The following RBFOX1 variants were observed in gnomAD, a reference collection of about 807,000 sequenced individuals.
RBFOX1 encodes the protein RNA binding protein fox-1 homolog 1.
Under a neutral mutation model 57.7 loss-of-function variants are expected in RBFOX1, and 8 were observed. That is an observed-to-expected ratio of 0.14 (90% CI 0.08 to 0.25). The LOEUF (loss-of-function observed/expected upper bound fraction) is 0.25. Among genes scored for constraint, RBFOX1 ranks in the 10% least tolerant of loss-of-function variants. RBFOX1 has a pLI of 1.00. For missense variants in RBFOX1, 611 were observed against 548.5 expected (o/e 1.11, Z -1.14); for synonymous variants, 326 against 222.4 (o/e 1.47, Z -4.15).
chr16:5,949,331 C>G (rs1032017479), intron 4 of RBFOX1, among the ~76,000 whole-genome samples: 3 of 151,802 alleles, frequency 2.0e-5, no homozygotes, highest in Non-Finnish European at 4.4e-5. Context: ...TCGAGACCAT[C>G]CTGTCTAACA....
chr16:6,416,834 G>T (rs538013323), intron 2 of RBFOX1, among the ~76,000 whole-genome samples: 21 of 152,232 alleles, frequency 1.4e-4, no homozygotes, highest in African/African-American at 4.8e-4. Context: ...GAAACCAAAT[G>T]TGCTGTCCTG....
chr16:6,291,125 C>T (rs550171282), intron 1 of RBFOX1, among the ~76,000 whole-genome samples: 14 of 152,240 alleles, frequency 9.2e-5, no homozygotes, highest in Non-Finnish European at 1.8e-4. Context: ...CTCTGATTGC[C>T]ATCTTGGTTT....
At chr16:5,632,654 G>C (rs771112448) in intron 3 of RBFOX1, 2 of 152,198 alleles carry the variant, frequency 1.3e-5, no homozygotes, top group Non-Finnish European at 2.9e-5. Flanking sequence ...ATGTTTATTT[G>C]TCTTTTGTTT....
rs114329340 is a variant in RBFOX1, at chr16:7,690,869, C to T, written c.995+14031C>T. Reference sequence around the variant, plus strand: ...ATAACATGGTGAATATAGACAGCAACATGCAATCTCCCCTTAGAACTGTAC... The same window carrying T: ...ATAACATGGTGAATATAGACAGCAATATGCAATCTCCCCTTAGAACTGTAC... On this transcript the variant is annotated intron_variant, in intron 14 of 15. Transcript: ENST00000550418. 1.6e-3 allele frequency among the ~76,000 whole-genome samples: 244 copies of T among 152,184 alleles called. 1 individual carries two copies. The highest frequency in any genetic ancestry group is 5.4e-3 in the African/African-American group (223 of 41,524).
chr16:6,442,396 A>C (rs1212534118), intron 2 of RBFOX1, among the ~76,000 whole-genome samples: 1 of 152,116 alleles, frequency 6.6e-6, no homozygotes. Flanking sequence ...GTCTCTACTG[A>C]AAATACAAAA....
intron 3 of RBFOX1, among the ~76,000 whole-genome samples, chr16:6,717,735 G>A (rs977989366): frequency 6.6e-6 from 1 of 152,154 alleles, no homozygotes; most frequent in African/African-American, 2.4e-5. Context: ...TAATGCTGCT[G>A]TACCAGGGAT....
intron 14 of RBFOX1, among the ~76,000 whole-genome samples, chr16:7,694,940 C>T (rs879788295): frequency 6.6e-6 from 1 of 152,300 alleles, no homozygotes; most frequent in East Asian, 1.9e-4. Flanking sequence ...TATATTTGGA[C>T]ATCTTAGATC....
intron 3 of RBFOX1, among the ~76,000 whole-genome samples, chr16:6,814,944 A>G (rs760150369): frequency 2.6e-5 from 4 of 152,186 alleles, no homozygotes; most frequent in African/African-American, 9.6e-5. Flanking sequence ...AAATACAGGA[A>G]TAAAAGAATG....
chr16:6,617,289 G>A (rs142586163), intron 2 of RBFOX1, among the ~76,000 whole-genome samples: 1 of 151,908 alleles, frequency 6.6e-6, no homozygotes, highest in African/African-American at 2.4e-5. Context: ...AAGGGAACCT[G>A]ATCTTCCTGC....
chr16:5,802,378 G>T (rs147516296), intron 3 of RBFOX1, among the ~76,000 whole-genome samples: 1 of 152,114 alleles, frequency 6.6e-6, no homozygotes, highest in African/African-American at 2.4e-5. Flanking sequence ...CTTCCCAAAG[G>T]ATGGCTGGAC....
chr16:5,650,127 C>T (rs902362534), intron 3 of RBFOX1, among the ~76,000 whole-genome samples: 11 of 152,320 alleles, frequency 7.2e-5, no homozygotes, highest in East Asian at 5.8e-4. Context: ...TCTGTGGTTT[C>T]GACAGGGACT....
chr16:5,629,031 G>C (rs935859694), intron 3 of RBFOX1, among the ~76,000 whole-genome samples: 2 of 152,112 alleles, frequency 1.3e-5, no homozygotes, highest in Non-Finnish European at 2.9e-5. Flanking sequence ...CAGGCCCCAA[G>C]CACCCATCGT....
intron 2 of RBFOX1, among the ~76,000 whole-genome samples, chr16:5,515,022 A>G (rs1444270257): frequency 6.6e-6 from 1 of 152,102 alleles, no homozygotes; most frequent in Admixed American, 6.5e-5. Flanking sequence ...ATGGTGTCAG[A>G]GGGAGGAGCA....
chr16:6,903,324 G>C (rs1290905247), intron 3 of RBFOX1, among the ~76,000 whole-genome samples: 1 of 152,148 alleles, frequency 6.6e-6, no homozygotes, highest in Non-Finnish European at 1.5e-5. Flanking sequence ...CTTACAGCCT[G>C]GAGTAAGGAA....
chr16:7,267,327 C>T (rs749452155), intron 4 of RBFOX1, among the ~76,000 whole-genome samples: 1 of 151,090 alleles, frequency 6.6e-6, no homozygotes, highest in African/African-American at 2.4e-5. Context: ...TTGAGGTCGG[C>T]AGTTGGAGAC....
chr16:7,191,182 C>G (rs1403021809), intron 4 of RBFOX1, among the ~76,000 whole-genome samples: 3 of 152,150 alleles, frequency 2.0e-5, no homozygotes, highest in Admixed American at 2.0e-4. Context: ...AAACCCCTTT[C>G]AACCCCTCTC....
intron 4 of RBFOX1, among the ~76,000 whole-genome samples, chr16:7,320,187 A>C (rs560891502): frequency 2.8e-4 from 43 of 152,186 alleles, no homozygotes; most frequent in Middle Eastern, 3.4e-3. Context: ...GCTAGGTATT[A>C]AGCCCCATGT....
chr16:5,310,137 G>A (rs143261123), intron 1 of RBFOX1, among the ~76,000 whole-genome samples: 302 of 152,292 alleles, frequency 2.0e-3, no homozygotes, highest in African/African-American at 6.7e-3. Flanking sequence ...AAAAAGTGTG[G>A]ACTTTGATCC....
chr16:5,661,318 T>C (rs2049640855), intron 3 of RBFOX1, among the ~76,000 whole-genome samples: 1 of 152,218 alleles, frequency 6.6e-6, no homozygotes, highest in African/African-American at 2.4e-5. Flanking sequence ...TCACCTCTGC[T>C]TTACCTACAT....
Sources: allele counts gnomAD v4.1 joint callset (sites outside exome capture counted in the v4.1 genomes callset), GRCh38; gene constraint gnomAD v4.1.1; transcripts MANE v1.5; gene names NCBI Gene and HGNC (gene_info 2026-07-23, HGNC 2026-07-21).